The following EXOC6 variants were observed in gnomAD, a reference collection of about 807,000 sequenced individuals.
The protein encoded by EXOC6 is SEC15-like 1.
Under a neutral mutation model 112.5 loss-of-function variants are expected in EXOC6, and 60 were observed. The ratio of observed to expected loss-of-function variants is 0.53; its 90% CI spans 0.43 to 0.66. The LOEUF (loss-of-function observed/expected upper bound fraction) is 0.66. Ranked by LOEUF, EXOC6 falls within the 30% of genes least tolerant of loss-of-function variation. The pLI is 0.00. For synonymous variants in EXOC6, 295 were observed against 308.0 expected, an observed-to-expected ratio of 0.96 and a Z score of 0.44; for missense variants, 855 against 957.1, an observed-to-expected ratio of 0.89 and a Z score of 1.41.
upstream of EXOC6, among the ~76,000 whole-genome samples, chr10:92,844,258 A>G (rs377417481): frequency 2.0e-5 from 3 of 152,152 alleles, no homozygotes; most frequent in African/African-American, 7.2e-5. Flanking sequence ...AGCCTCTACT[A>G]TATGCAAGGC....
chr10:92,920,993 C>T (rs1275673016), intron 8 of EXOC6, among the ~76,000 whole-genome samples: 1 of 152,154 alleles, frequency 6.6e-6, no homozygotes, highest in African/African-American at 2.4e-5. Context: ...TAAAGTATGT[C>T]TCCAGTAGGT....
chr10:92,856,967 A>G (rs1847631551), intron 1 of EXOC6, among the ~76,000 whole-genome samples: 2 of 152,230 alleles, frequency 1.3e-5, no homozygotes, highest in Admixed American at 6.5e-5. Context: ...TTTTCATGAT[A>G]TATGTTTTTC....
At chr10:92,961,597 G>GAAAAATAACAGGAAACA (rs1429787424) in intron 17 of EXOC6, among the ~76,000 whole-genome samples, 2 of 151,706 alleles carry the variant, frequency 1.3e-5, no homozygotes, top group African/African-American at 4.8e-5. Flanking sequence ...AACATAAAAG[G>GAAAAATAACAGGAAACA]TAACAGGAAA....
chr10:92,857,943 T>A (rs1847690003), intron 1 of EXOC6, among the ~76,000 whole-genome samples: 2 of 151,586 alleles, frequency 1.3e-5, no homozygotes, highest in Non-Finnish European at 2.9e-5. Flanking sequence ...TCTGTTTTTT[T>A]AAAATCTGGG....
At chr10:93,014,835 C>A (rs1444229108) in intron 20 of EXOC6, among the ~76,000 whole-genome samples, 1 of 152,110 alleles carries the variant, frequency 6.6e-6, no homozygotes, top group Non-Finnish European at 1.5e-5. Context: ...CATTTAAAAA[C>A]TCTATTCATT....
intron 19 of EXOC6, chr10:92,999,353 G>A (rs1162357162): frequency 2.7e-6 from 1 of 366,184 alleles, no homozygotes; most frequent in East Asian, 9.5e-5. Flanking sequence ...GTGAGCTACT[G>A]TGCCTGGCCA....
chr10:92,895,579 G>C (rs1182372771), intron 4 of EXOC6, among the ~76,000 whole-genome samples: 1 of 152,120 alleles, frequency 6.6e-6, no homozygotes, highest in Non-Finnish European at 1.5e-5. Context: ...TTGGGCATCA[G>C]ATAAATTCCG....
At chr10:93,006,645 G>A (rs563674451) in intron 19 of EXOC6, among the ~76,000 whole-genome samples, 1 of 152,170 alleles carries the variant, frequency 6.6e-6, no homozygotes, top group South Asian at 2.1e-4. Context: ...ACCACTAGAT[G>A]GTGCTCTTAG....
At chr10:92,954,097 A>G (rs140768558) in intron 15 of EXOC6, among the ~76,000 whole-genome samples, 1,892 of 152,220 alleles carry the variant, frequency 0.012, 29 homozygotes, top group Non-Finnish European at 0.021. Flanking sequence ...CCTGGGCAAC[A>G]TAGTGCAACC....
chr10:93,057,458 A>G (rs1446736264), intron 21 of EXOC6, among the ~76,000 whole-genome samples: 3 of 152,104 alleles, frequency 2.0e-5, no homozygotes, highest in Non-Finnish European at 2.9e-5. Context: ...TTGCAGGTAG[A>G]GAAATATGTG....
At chr10:93,017,909 C>T (rs1202413200) in intron 20 of EXOC6, among the ~76,000 whole-genome samples, 3 of 150,870 alleles carry the variant, frequency 2.0e-5, no homozygotes, top group African/African-American at 7.3e-5. Context: ...ACTCAGGAGT[C>T]TGAGGCAGGG....
intron 16 of EXOC6, 152 bp from the exon 17 acceptor site, chr10:92,955,428 A>G (rs2134019305): frequency 7.0e-6 from 4 of 569,974 alleles, no homozygotes; most frequent in Admixed American, 3.5e-5. Context: ...AGTATTTGCA[A>G]CAGGCTTTTA....
chr10:92,846,566 C>T (rs1197829900), upstream of EXOC6, among the ~76,000 whole-genome samples: 2 of 152,094 alleles, frequency 1.3e-5, no homozygotes, highest in Non-Finnish European at 2.9e-5. Flanking sequence ...AAATTTTATC[C>T]CCTCCCACAA....
intron 13 of EXOC6, among the ~76,000 whole-genome samples, chr10:92,946,246 A>G (rs1852992471): frequency 6.6e-6 from 1 of 152,132 alleles, no homozygotes; most frequent in Non-Finnish European, 1.5e-5. Flanking sequence ...CAGTGAGCCA[A>G]GATTGCGCCA....
intron 1 of EXOC6, among the ~76,000 whole-genome samples, chr10:92,882,920 A>G (rs988193535): frequency 8.5e-5 from 13 of 152,360 alleles, no homozygotes; most frequent in African/African-American, 2.9e-4. Flanking sequence ...TCACTCAGGT[A>G]GGAACAAATA....
intron 20 of EXOC6, among the ~76,000 whole-genome samples, chr10:93,027,458 A>G (rs1454012375): frequency 6.6e-6 from 1 of 152,214 alleles, no homozygotes; most frequent in East Asian, 1.9e-4. Flanking sequence ...AAAGGTATCA[A>G]CTATGACTTT....
intron 1 of EXOC6, among the ~76,000 whole-genome samples, chr10:92,838,945 C>T (rs1385266580): frequency 2.0e-5 from 3 of 152,030 alleles, no homozygotes; most frequent in Non-Finnish European, 2.9e-5. Context: ...TAGTGGTGCA[C>T]GTCTGTAGTC....
At chr10:92,858,747 C>G (rs1847750253) in intron 1 of EXOC6, among the ~76,000 whole-genome samples, 1 of 152,034 alleles carries the variant, frequency 6.6e-6, no homozygotes, top group Non-Finnish European at 1.5e-5. Flanking sequence ...ATCTCATAAG[C>G]AGTTTCTATT....
intron 1 of EXOC6, among the ~76,000 whole-genome samples, chr10:92,853,174 G>C (rs908845988): frequency 1.2e-4 from 19 of 152,138 alleles, no homozygotes; most frequent in African/African-American, 4.6e-4. Context: ...GGATAAATCT[G>C]ACTAAAGATG....
Sources: gnomAD v4.1 joint callset for allele counts (sites outside exome capture counted in the v4.1 genomes callset) on GRCh38, gnomAD v4.1.1 for gene constraint, MANE v1.5 for transcripts, NCBI Gene and HGNC (gene_info 2026-07-23, HGNC 2026-07-21) for gene names.